Variants in DLG1 observed in about 807,000 individuals in gnomAD.
The protein encoded by DLG1 is disks large homolog 1.
A neutral mutation model predicts 123.4 loss-of-function variants in DLG1; 42 were observed. The observed-to-expected ratio is 0.34, with a 90% CI of 0.27 to 0.44. DLG1 has a LOEUF of 0.44. Among genes scored for constraint, DLG1 ranks in the 20% least tolerant of loss-of-function variants. The probability of loss-of-function intolerance (pLI) is 1.00; values close to 1 mark genes in which losing one functional copy is unlikely to be tolerated. For missense variants in DLG1, 942 were observed against 1,082.6 expected (o/e 0.87, Z 1.82); for synonymous variants, 317 against 356.2 (o/e 0.89, Z 1.24).
chr3:197,052,954 AAAT>A (rs1728960753), intron 23 of DLG1, among the ~76,000 whole-genome samples: 1 of 152,240 alleles, frequency 6.6e-6, no homozygotes, highest in Non-Finnish European at 1.5e-5. Flanking sequence ...GAACTTTATC[AAAT>A]AATTATTATT....
intron 13 of DLG1, among the ~76,000 whole-genome samples, chr3:197,109,958 G>GT (rs1768898920): frequency 6.6e-6 from 1 of 152,184 alleles, no homozygotes; most frequent in African/African-American, 2.4e-5. Context: ...CGATTGTAAT[G>GT]TGTCTATGTT....
At chr3:197,221,198 G>A (rs1475627684) in intron 4 of DLG1, among the ~76,000 whole-genome samples, 1 of 152,166 alleles carries the variant, frequency 6.6e-6, no homozygotes, top group Non-Finnish European at 1.5e-5. Context: ...TCTGAAGGCT[G>A]GAACAAAGAA....
chr3:197,270,344 A>G lies in DLG1; in HGVS notation c.318+12335T>C, dbSNP rs948845841. ...AGTAAATAAAAATTTCTCGGTATAC[A>G]GTGATAACTTTGTAAAGAGAGAGAT... On this transcript the variant is annotated intron_variant, in intron 4 of 24. Transcript: ENST00000667157. Among the ~76,000 whole-genome samples, 4 of 152,344 alleles carry G rather than the reference A, an allele frequency of 2.6e-5. No individual in the cohort carries two copies. The East Asian group carries it at 7.7e-4, about 29-fold the overall frequency.
chr3:197,112,420 A>G (rs1465925832), intron 13 of DLG1, among the ~76,000 whole-genome samples: 15 of 152,090 alleles, frequency 9.9e-5, no homozygotes, highest in Admixed American at 2.0e-4. Flanking sequence ...GGCCATTCAC[A>G]TATCTTTTGT....
chr3:197,278,730 A>G (rs1455002755), intron 4 of DLG1, among the ~76,000 whole-genome samples: 1 of 152,100 alleles, frequency 6.6e-6, no homozygotes, highest in Non-Finnish European at 1.5e-5. Flanking sequence ...GAATTAGATC[A>G]GTGAACTTAA....
At chr3:197,165,735 T>G (rs978164805) in intron 5 of DLG1, among the ~76,000 whole-genome samples, 2 of 152,222 alleles carry the variant, frequency 1.3e-5, no homozygotes, top group Non-Finnish European at 2.9e-5. Context: ...ACTTCTGATT[T>G]ATGAATGCAT....
chr3:197,160,724 G>A (rs759258680), intron 5 of DLG1, among the ~76,000 whole-genome samples: 1 of 152,068 alleles, frequency 6.6e-6, no homozygotes, highest in Non-Finnish European at 1.5e-5. Context: ...AGAGGGGAAG[G>A]GCACTGAGAT....
intron 16 of DLG1, among the ~76,000 whole-genome samples, chr3:197,082,310 C>T (rs577944532): frequency 6.6e-6 from 1 of 151,994 alleles, no homozygotes; most frequent in Middle Eastern, 3.4e-3. Context: ...GTGGAGGTTG[C>T]AGTGAACCAA....
intron 18 of DLG1, among the ~76,000 whole-genome samples, chr3:197,072,558 G>C (rs577268274): frequency 7.9e-5 from 12 of 151,802 alleles, no homozygotes; most frequent in Admixed American, 3.9e-4. Flanking sequence ...CTCTTGCCCA[G>C]TTTTCTAATG....
At chr3:197,270,965 C>A (rs1052483974) in intron 4 of DLG1, among the ~76,000 whole-genome samples, 3 of 152,116 alleles carry the variant, frequency 2.0e-5, no homozygotes, top group Non-Finnish European at 4.4e-5. Flanking sequence ...GTCTATAAAA[C>A]AACTGGCATG....
intron 5 of DLG1, among the ~76,000 whole-genome samples, chr3:197,152,903 G>A (rs1422296140): frequency 6.6e-6 from 1 of 151,900 alleles, no homozygotes; most frequent in Non-Finnish European, 1.5e-5. Flanking sequence ...CAAAGTTTCA[G>A]AGGGCAATAT....
chr3:197,258,460 A>C (rs879291846), intron 4 of DLG1, among the ~76,000 whole-genome samples: 2 of 152,066 alleles, frequency 1.3e-5, no homozygotes, highest in Non-Finnish European at 2.9e-5. Context: ...AAAACTAATC[A>C]TCATTGCTTT....
intron 4 of DLG1, among the ~76,000 whole-genome samples, chr3:197,273,186 A>ATATGTG (rs1764654164): frequency 8.5e-6 from 1 of 117,288 alleles, no homozygotes; most frequent in Non-Finnish European, 1.8e-5. Flanking sequence ...TACACTGAAT[A>ATATGTG]TATGTGTGTG....
At chr3:197,051,474 G>T (rs777675888) in intron 24 of DLG1, 103 bp downstream of exon 24, 3 of 836,848 alleles carry the variant, frequency 3.6e-6, no homozygotes, top group Admixed American at 2.1e-5. Context: ...TAGTTACTAC[G>T]GGTAGATGTA....
Position 197,065,395 on chromosome 3 carries a change from C to A in DLG1, c.2254G>T (p.Val752Leu). 1 of 1,612,680 alleles carries A rather than the reference C, an allele frequency of 6.2e-7. No individual in the cohort carries two copies. The highest frequency in any genetic ancestry group is 8.5e-7 in the Non-Finnish European group (1 of 1,179,554). The part of the protein sequence containing the change: ...YEVDGRDYHF[V>L]TSREQMEKDI... The stretch of plus-strand genomic sequence containing the variant: ...TTTTCCATCTGCTCTCTTGAAGTCA[C>A]AAAATGATAATCTCTTCCATCTACC... Residue 752 changes from valine (V) to leucine (L), a missense_variant, in exon 22 of 25, where the codon GTG (valine) becomes TTG (leucine). Coordinates refer to ENST00000667157, the MANE Select transcript of DLG1 (RefSeq NM_001366207.1).
Position 197,296,390 on chromosome 3 carries a change from C to G in DLG1, c.107G>C (p.Arg36Pro). The part of the protein sequence containing the change: ...EDRQLRSSIE[R>P]VINIFQSNLF... Reference sequence around the variant, plus strand: ...GTTGCTCTGAAATATGTTAATAACCCGTTCTATGGAACTTCTGAGCTGTCT... The same window carrying G: ...GTTGCTCTGAAATATGTTAATAACCGGTTCTATGGAACTTCTGAGCTGTCT... The change falls in exon 3 of 25, where the codon CGG becomes CCG. Residue 36 changes from arginine (R) to proline (P), a missense_variant. By Grantham distance (103) the Arg-to-Pro change is moderately radical. Transcript: ENST00000667157. 1 of 1,613,578 alleles carries G rather than the reference C, an allele frequency of 6.2e-7. No homozygotes were observed. Among genetic ancestry groups the G allele is most frequent in the South Asian group, 1.1e-5 (1 of 91,064 alleles).
rs142437165 is a variant in DLG1, at chr3:197,297,380, A to G, written c.-31-145T>C. The G allele has an allele frequency of 2.2e-3, 3,186 of 1,447,350 alleles. 53 individuals are homozygous for G. The African/African-American group carries it at 0.041, about 19-fold the overall frequency. The allele number at this position is 1,447,350 out of a possible 1,614,324, so 89.7% of individuals were successfully genotyped here. A position where few individuals can be genotyped will look rare whatever the true frequency, so the allele number is the denominator to read the frequency against. ...AGTCAAAGAAAGAGTCTCAAAACGCAGCAGTTGTCTGTCAACGTGGAAAGC... is the reference window on the plus strand; with the variant it reads ...AGTCAAAGAAAGAGTCTCAAAACGCGGCAGTTGTCTGTCAACGTGGAAAGC... On this transcript the variant is annotated intron_variant, in intron 1 of 24. Transcript: ENST00000667157.
At chr3:197,086,888 C>T (rs1278568116) in intron 15 of DLG1, among the ~76,000 whole-genome samples, 1 of 152,146 alleles carries the variant, frequency 6.6e-6, no homozygotes, top group South Asian at 2.1e-4. Flanking sequence ...TATAAAAATT[C>T]ATCTTTTGAA....
intron 15 of DLG1, 46 bp from the exon 16 acceptor site, chr3:197,085,802 A>AG: frequency 6.5e-7 from 1 of 1,547,642 alleles, no homozygotes; most frequent in Non-Finnish European, 8.8e-7. Context: ...TTATAATATT[A>AG]ATCAACATAT....
Sources: gnomAD v4.1 joint callset for allele counts (sites outside exome capture counted in the v4.1 genomes callset) on GRCh38, gnomAD v4.1.1 for gene constraint, MANE v1.5 for transcripts, NCBI Gene and HGNC (gene_info 2026-07-23, HGNC 2026-07-21) for gene names.